Variants in PRKN observed in about 807,000 individuals in gnomAD.
PRKN encodes the protein parkin RBR E3 ubiquitin protein ligase.
PRKN carries 56 observed loss-of-function variants against 59.5 expected under a neutral mutation model. The ratio of observed to expected loss-of-function variants is 0.94; its 90% CI spans 0.76 to 1.18. The LOEUF (loss-of-function observed/expected upper bound fraction) is 1.18, where lower values mean the gene tolerates loss of function less well. Among genes scored for constraint, PRKN ranks in the 50% most tolerant of loss-of-function variants. The pLI is 0.00. For missense variants in PRKN, 657 were observed against 596.4 expected, an observed-to-expected ratio of 1.10 and a Z score of -1.06; for synonymous variants, 250 against 222.1, an observed-to-expected ratio of 1.13 and a Z score of -1.12.
chr6:162,703,202 T>C (rs1455454129), intron 1 of PRKN, among the ~76,000 whole-genome samples: 1 of 152,196 alleles, frequency 6.6e-6, no homozygotes, highest in East Asian at 1.9e-4. Context: ...ATTTAAAAAG[T>C]AGTACAGAGA....
chr6:162,225,391 T>C (rs756571648), intron 3 of PRKN, among the ~76,000 whole-genome samples: 2 of 152,190 alleles, frequency 1.3e-5, no homozygotes, highest in Non-Finnish European at 2.9e-5. Context: ...ATTCAAACCA[T>C]AGCACCTGTT....
chr6:162,369,229 T>C (rs1226924169), intron 2 of PRKN, among the ~76,000 whole-genome samples: 4 of 152,214 alleles, frequency 2.6e-5, no homozygotes, highest in Non-Finnish European at 2.9e-5. Flanking sequence ...TTTGTTGCTA[T>C]TTTTATATTG....
chr6:161,800,559 C>T (rs1031533837), intron 6 of PRKN, among the ~76,000 whole-genome samples: 1 of 152,214 alleles, frequency 6.6e-6, no homozygotes, highest in African/African-American at 2.4e-5. Context: ...GACTGATCCC[C>T]TCTACCATGC....
chr6:161,543,459 G>A (rs146282365), intron 9 of PRKN, among the ~76,000 whole-genome samples: 44 of 152,300 alleles, frequency 2.9e-4, no homozygotes, highest in Non-Finnish European at 1.0e-4. Context: ...AAGGGTCCAT[G>A]CAAGTGAGGA....
rs532361002 is a variant in PRKN at position 162,196,163 on chromosome 6, T to G, written c.534+4968A>C. ...CCTCAGCCATGATCAGAAAGAGTAC[T>G]GTTAGGATTTAGTGAGAAGCCTTCA... On this transcript the variant is annotated intron_variant, in intron 4 of 11. Coordinates refer to ENST00000366898, the MANE Select transcript of PRKN (RefSeq NM_004562.3). 2.0e-5 allele frequency among the ~76,000 whole-genome samples: 3 copies of G among 152,284 alleles called. No individual in the cohort carries two copies. In the East Asian group the frequency reaches 5.8e-4, roughly 29 times the overall value.
chr6:161,469,693 G>C (rs2115189018), intron 9 of PRKN, among the ~76,000 whole-genome samples: 1 of 152,228 alleles, frequency 6.6e-6, no homozygotes, highest in East Asian at 1.9e-4. Context: ...GCCAGAAAAG[G>C]GAGAAAAGAG....
chr6:162,273,584 T>C (rs1780485645), intron 2 of PRKN, among the ~76,000 whole-genome samples: 1 of 152,192 alleles, frequency 6.6e-6, no homozygotes, highest in African/African-American at 2.4e-5. Context: ...TATGTTAAGA[T>C]GAAAAATTAC....
At chr6:162,574,879 T>A (rs1780497769) in intron 1 of PRKN, among the ~76,000 whole-genome samples, 1 of 152,092 alleles carries the variant, frequency 6.6e-6, no homozygotes, top group Non-Finnish European at 1.5e-5. Context: ...TTCCATTATG[T>A]ACACTAGTTG....
At position 161,561,177 on chromosome 6, in the gene PRKN, T is replaced by G. The variant is rs991191945; in HGVS notation, c.933+8178A>C. On this transcript the variant is annotated intron_variant, in intron 8 of 11. Transcript: ENST00000366898. The surrounding 1 kb of genome is among the most constrained non-coding windows in gnomAD (Gnocchi z 5.0). ...TGAAATGAGGATAGTTACAAAAGCA[T>G]AGGAGATAGAAGTTTTCACATAGCA... Among the ~76,000 whole-genome samples, 1 of 152,182 alleles carries G rather than the reference T, an allele frequency of 6.6e-6. No individual in the cohort carries two copies. The highest frequency in any genetic ancestry group is 1.5e-5 in the Non-Finnish European group (1 of 68,028).
intron 5 of PRKN, among the ~76,000 whole-genome samples, chr6:161,979,980 A>C (rs1477858917): frequency 6.6e-6 from 1 of 152,324 alleles, no homozygotes; most frequent in East Asian, 1.9e-4. Flanking sequence ...CCAACTGTAT[A>C]AACACATTTA....
chr6:162,181,371 C>T (rs1221451716), intron 4 of PRKN, among the ~76,000 whole-genome samples: 4 of 152,124 alleles, frequency 2.6e-5, no homozygotes, highest in South Asian at 2.1e-4. Context: ...TTGGTGTTAC[C>T]AACATCTGCA....
At chr6:162,574,029 T>G (rs1012423) in intron 1 of PRKN, among the ~76,000 whole-genome samples, 61,861 of 151,982 alleles carry the variant, frequency 0.41, 13,062 homozygotes, top group East Asian at 0.71. Flanking sequence ...AGAACTGTGC[T>G]GAGGACGATG....
chr6:161,789,027 G>A (rs1469301645), intron 6 of PRKN, among the ~76,000 whole-genome samples: 2 of 152,042 alleles, frequency 1.3e-5, no homozygotes, highest in Admixed American at 6.5e-5. Context: ...TTATAAAGAC[G>A]GTGTATATGT....
At chr6:162,435,011 A>G (rs1789705337) in intron 2 of PRKN, among the ~76,000 whole-genome samples, 1 of 152,218 alleles carries the variant, frequency 6.6e-6, no homozygotes, top group Non-Finnish European at 1.5e-5. Flanking sequence ...TGACTGTATT[A>G]AGCAAAATCT....
At chr6:162,221,139 C>T (rs6941947) in intron 3 of PRKN, among the ~76,000 whole-genome samples, 1,785 of 152,242 alleles carry the variant, frequency 0.012, 20 homozygotes, top group African/African-American at 0.031. Flanking sequence ...AAGACTAATG[C>T]ACAAAAATGC....
At chr6:161,895,590 TC>T (rs1777591367) in intron 6 of PRKN, among the ~76,000 whole-genome samples, 1 of 115,316 alleles carries the variant, frequency 8.7e-6, no homozygotes, top group Non-Finnish European at 1.8e-5. Context: ...CAGTGAGGCT[TC>T]TGAGATTCAG....
chr6:161,676,718 G>A (rs994258103), intron 7 of PRKN, among the ~76,000 whole-genome samples: 8 of 152,154 alleles, frequency 5.3e-5, no homozygotes, highest in African/African-American at 1.9e-4. Context: ...AGATTGGCAG[G>A]CCTAGTCAAA....
In PRKN at chr6:162,373,603, C is replaced by T. The variant is rs1785887083; in HGVS notation, c.171+69707G>A. Among the ~76,000 whole-genome samples the T allele has an allele frequency of 3.3e-5, 5 of 152,202 alleles. No homozygotes were observed. The South Asian group carries it at 1.0e-3, about 32-fold the overall frequency. On this transcript the variant is annotated intron_variant, in intron 2 of 11. Coordinates refer to ENST00000366898, the MANE Select transcript of PRKN (RefSeq NM_004562.3). ...TTGGGAAAAAGAAAGTTATGAGAAA[C>T]TGATGACTGCCTATGTAATACTTCC...
intron 1 of PRKN, among the ~76,000 whole-genome samples, chr6:162,520,227 A>C (rs2128193313): frequency 1.3e-5 from 2 of 152,338 alleles, no homozygotes; most frequent in African/African-American, 4.8e-5. Flanking sequence ...ACTATGGTAC[A>C]CTTCACTGGC....
Sources: allele counts gnomAD v4.1 joint callset (sites outside exome capture counted in the v4.1 genomes callset), GRCh38; gene constraint gnomAD v4.1.1; non-coding constraint Gnocchi (gnomAD v3.1); transcripts MANE v1.5; gene names NCBI Gene and HGNC (gene_info 2026-07-23, HGNC 2026-07-21).